ZNF451: variants seen among roughly 807,000 people sequenced by gnomAD.
The protein encoded by ZNF451 is E3 SUMO-protein ligase ZNF451.
A neutral mutation model predicts 107.1 loss-of-function variants in ZNF451; 80 were observed. That is an observed-to-expected ratio of 0.75 (90% CI 0.62 to 0.90). The LOEUF (loss-of-function observed/expected upper bound fraction) is 0.90, where lower values mean the gene tolerates loss of function less well. Among genes scored for constraint, ZNF451 ranks in the 40% least tolerant of loss-of-function variants. The pLI is 0.00. For missense variants in ZNF451, 1,107 were observed against 1,236.2 expected (o/e 0.90, Z 1.57); for synonymous variants, 362 against 406.5 (o/e 0.89, Z 1.32).
chr6:57,163,891 C>T (rs1203413163), intron 14 of ZNF451, among the ~76,000 whole-genome samples: 1 of 152,094 alleles, frequency 6.6e-6, no homozygotes, highest in Non-Finnish European at 1.5e-5. Context: ...ACCACAGAAG[C>T]AAAATAATGT....
chr6:57,163,436 C>CTTTTTTTTTTTT lies in ZNF451; in HGVS notation c.3139+2305_3139+2316dup, dbSNP rs398001706. 4.7e-3 allele frequency among the ~76,000 whole-genome samples: 144 copies of CTTTTTTTTTTTT among 30,338 alleles called. 50 individuals are homozygous for CTTTTTTTTTTTT. Among genetic ancestry groups the CTTTTTTTTTTTT allele is most frequent in the Non-Finnish European group, 6.1e-3 (101 of 16,452 alleles). 19.9% of individuals were successfully genotyped at this position (30,338 alleles called of 152,430 possible). A position where few individuals can be genotyped will look rare whatever the true frequency, so the allele number is the denominator to read the frequency against. ...AATGGTTGCTTGTTAAATGAATAAA[C>CTTTTTTTTTTTT]TTTTTTTTTTTTTTTTTTTTTTTTT... On this transcript the variant is annotated intron_variant, in intron 14 of 14. Coordinates refer to ENST00000370706, the MANE Select transcript of ZNF451 (RefSeq NM_001031623.3).
chr6:57,108,502 A>C (rs1367476895), intron 3 of ZNF451: 1 of 985,240 alleles, frequency 1.0e-6, no homozygotes, highest in Non-Finnish European at 1.2e-6. Context: ...CAAGTCACTA[A>C]ACACAGTTTT....
At chr6:57,105,810 A>G (rs1369699877) in intron 3 of ZNF451, 1 of 985,296 alleles carries the variant, frequency 1.0e-6, no homozygotes, top group Non-Finnish European at 1.2e-6. Flanking sequence ...CATTTTTAAA[A>G]AGCAGTAAAT....
chr6:57,165,465 A>G (rs1763855388), intron 14 of ZNF451: 1 of 152,154 alleles, frequency 6.6e-6, no homozygotes, highest in Admixed American at 6.5e-5. Context: ...TGATTGATTT[A>G]GACTGAACTC....
intron 2 of ZNF451, among the ~76,000 whole-genome samples, chr6:57,094,256 A>G (rs969367004): frequency 6.6e-6 from 1 of 152,082 alleles, no homozygotes; most frequent in Admixed American, 6.5e-5. Flanking sequence ...CTGCCCCTAA[A>G]TTGTGTGGTA....
rs139462025 is a variant in ZNF451, at chr6:57,147,680, G to C, written c.1595G>C (p.Trp532Ser). 6.2e-7 allele frequency: 1 copy of C among 1,614,044 alleles called. No individual in the cohort carries two copies. Among genetic ancestry groups the C allele is most frequent in the Non-Finnish European group, 8.5e-7 (1 of 1,179,972 alleles). The stretch of plus-strand genomic sequence containing the variant: ...GCACATTTAAATAACTTTCTTTTCT[G>C]GTGTCGGACATGCAAAAAGGAGTTA... Reference protein sequence around the residue: ...GGAHLNNFLFWCRTCKKELTR... With the variant: ...GGAHLNNFLFSCRTCKKELTR... Residue 532 changes from tryptophan to serine, a missense_variant, in exon 10 of 15, where the codon TGG becomes TCG. By Grantham distance (177) the Trp-to-Ser change is radical (BLOSUM62 -3). This residue lies in a region of ZNF451 where 608 missense variants were observed against 649.2 expected (regional missense o/e 0.94). Coordinates refer to ENST00000370706, the MANE Select transcript of ZNF451 (RefSeq NM_001031623.3).
At chr6:57,096,438 G>A (rs1829317734) in intron 2 of ZNF451, among the ~76,000 whole-genome samples, 1 of 151,252 alleles carries the variant, frequency 6.6e-6, no homozygotes. Flanking sequence ...CGCCCACCTT[G>A]GTCTCCCAAA....
At chr6:57,119,670 A>G (rs1197265570) in intron 3 of ZNF451, among the ~76,000 whole-genome samples, 1 of 151,884 alleles carries the variant, frequency 6.6e-6, no homozygotes, top group Admixed American at 6.6e-5. Context: ...CCACCCCTCC[A>G]TGCAAAACCT....
intron 14 of ZNF451, among the ~76,000 whole-genome samples, chr6:57,166,325 C>T (rs1763894966): frequency 3.3e-5 from 5 of 152,144 alleles, no homozygotes; most frequent in African/African-American, 9.7e-5. Flanking sequence ...CTGTGCCTGG[C>T]CTATACTACA....
At chr6:57,155,083 CTT>C (rs1763347012) in intron 13 of ZNF451, among the ~76,000 whole-genome samples, 1 of 152,086 alleles carries the variant, frequency 6.6e-6, no homozygotes, top group South Asian at 2.1e-4. Flanking sequence ...ACTCTTGTGT[CTT>C]TATGTCATGC....
At position 57,154,051 on chromosome 6, in the gene ZNF451, C is replaced by T. The variant is rs75871811; in HGVS notation, c.3070+4C>T. On this transcript the variant is annotated splice_donor_region_variant and intron_variant, in intron 13 of 14. Coordinates refer to ENST00000370706, the MANE Select transcript of ZNF451 (RefSeq NM_001031623.3). ...AGCATATCTGATACCACCAAAGGTA[C>T]GCAGCTGCAGTCACAGTGCAAACCA... 2.6e-3 allele frequency: 4,223 copies of T among 1,613,942 alleles called. 27 individuals carry two copies. The highest frequency in any genetic ancestry group is 0.024 in the African/African-American group (1,781 of 75,034).
chr6:57,169,375 C>A lies in ZNF451; in HGVS notation c.*906C>A, dbSNP rs1489337756. 2 of 151,984 alleles carry A rather than the reference C, an allele frequency of 1.3e-5. No individual in the cohort carries two copies. The highest frequency in any genetic ancestry group is 4.8e-5 in the African/African-American group (2 of 41,398). 9.4% of individuals were successfully genotyped at this position (151,984 alleles called of 1,614,324 possible). A position where few individuals can be genotyped will look rare whatever the true frequency, so the allele number is the denominator to read the frequency against. On this transcript the variant is annotated 3_prime_UTR_variant, in exon 15 of 15. Transcript: ENST00000370706. ...TATTCACTGAATTGTCAGTTTCCTT[C>A]ATTTGGTATTACATATTTAATTCTT...
Position 57,161,107 on chromosome 6 carries a change from G to A in ZNF451, c.3094G>A (p.Gly1032Ser), listed in dbSNP as rs757672265. 1.9e-6 allele frequency: 3 copies of A among 1,561,128 alleles called. No homozygotes were observed. The highest frequency in any genetic ancestry group is 2.6e-6 in the Non-Finnish European group (3 of 1,159,192). The change falls in exon 14 of 15, where the codon GGT (glycine) becomes AGT (serine). Residue 1032 changes from glycine to serine, a missense_variant. Transcript: ENST00000370706. Reference protein sequence around the residue: ...TKECDSDDNMGAKNTSIGEEF... With the variant: ...TKECDSDDNMSAKNTSIGEEF... ...AGAATGTGACAGTGATGATAACATG[G>A]GTGCCAAAAATACTTCAATAGGAGA...
chr6:57,141,339 C>T lies in ZNF451; in HGVS notation c.740C>T (p.Pro247Leu), dbSNP rs1403670377. The T allele has an allele frequency of 3.1e-6, 5 of 1,612,390 alleles. No homozygotes were observed. Among genetic ancestry groups the T allele is most frequent in the Non-Finnish European group, 3.4e-6 (4 of 1,179,176 alleles). Residue 247 changes from proline to leucine, a missense_variant, in exon 8 of 15, where the codon CCT becomes CTT. Physicochemically the swap from Pro to Leu is moderately conservative, Grantham distance 98. This residue lies in a region of ZNF451 where 339 missense variants were observed against 372.8 expected (regional missense o/e 0.91). Transcript: ENST00000370706. ...GATGGACATAACAACAACCTTCTTC[C>T]TCAGATTATTCAGTGTTTTGCATGT... ...TDDGHNNNLL[P>L]QIIQCFACPN...
Position 57,168,571 on chromosome 6 carries a change from T to G in ZNF451, c.*102T>G. 2 of 924,990 alleles carry G rather than the reference T, an allele frequency of 2.2e-6. No homozygotes were observed. The highest frequency in any genetic ancestry group is 1.7e-6 in the Non-Finnish European group (1 of 590,614). 57.3% of individuals were successfully genotyped at this position (924,990 alleles called of 1,614,324 possible). A position where few individuals can be genotyped will look rare whatever the true frequency, so the allele number is the denominator to read the frequency against. On this transcript the variant is annotated 3_prime_UTR_variant, in exon 15 of 15. Transcript: ENST00000370706. ...GAGACCAGAAATCCACTATTACAAA[T>G]GTATTTGAAAACATGTTTTTGCTTT...
At position 57,134,948 on chromosome 6, in the gene ZNF451, C is replaced by T. The variant is rs1036489988; in HGVS notation, c.702+78C>T. On this transcript the variant is annotated intron_variant, in intron 7 of 14. Transcript: ENST00000370706. ...TAAGTGGAGGTTTTTTCCTGCTGTT[C>T]TTAAGCTTGCAATTACCAGTGATAC... 6 of 1,242,322 alleles carry T rather than the reference C, an allele frequency of 4.8e-6. No individual in the cohort carries two copies. In the African/African-American group the frequency reaches 9.0e-5, roughly 19 times the overall value. 77.0% of individuals were successfully genotyped at this position (1,242,322 alleles called of 1,614,324 possible).
intron 13 of ZNF451, among the ~76,000 whole-genome samples, chr6:57,159,926 C>T (rs1375151178): frequency 6.6e-6 from 1 of 152,062 alleles, no homozygotes; most frequent in Non-Finnish European, 1.5e-5. Context: ...GGTGCTGATT[C>T]AAGTCACTGA....
At chr6:57,104,733 T>C in intron 3 of ZNF451, 1 of 985,462 alleles carries the variant, frequency 1.0e-6, no homozygotes, top group South Asian at 4.7e-5. Flanking sequence ...ATGATGTTGC[T>C]GTTCTCTTTT....
Position 57,152,317 on chromosome 6 carries a change from G to A in ZNF451, c.2849G>A (p.Arg950Lys). 6.2e-7 allele frequency: 1 copy of A among 1,614,036 alleles called. No individual in the cohort carries two copies. The highest frequency in any genetic ancestry group is 8.5e-7 in the Non-Finnish European group (1 of 1,179,982). Residue 950 changes from arginine (R) to lysine (K), a missense_variant, in exon 12 of 15, where the codon AGA (arginine) becomes AAA (lysine). Transcript: ENST00000370706. ...TTCCTTCATCCTCGCTGTAGTAAAA[G>A]AAAAGATGCTGCTGATTTTGCCATA... ...CFFLHPRCSK[R>K]KDAADFAICM...
Sources: allele counts gnomAD v4.1 joint callset (sites outside exome capture counted in the v4.1 genomes callset), GRCh38; gene constraint gnomAD v4.1.1; regional missense constraint gnomAD v4.1.1; transcripts MANE v1.5; gene names NCBI Gene and HGNC (gene_info 2026-07-23, HGNC 2026-07-21).